The following HUWE1 variants were observed in gnomAD, a reference collection of about 807,000 sequenced individuals.
HUWE1 encodes E3 ubiquitin-protein ligase HUWE1.
HUWE1 carries 18 observed loss-of-function variants against 299.4 expected under a neutral mutation model. The ratio of observed to expected loss-of-function variants is 0.06; its 90% CI spans 0.04 to 0.09. The LOEUF (loss-of-function observed/expected upper bound fraction) is 0.09, where lower values mean the gene tolerates loss of function less well. Among genes scored for constraint, HUWE1 ranks in the 10% least tolerant of loss-of-function variants. The pLI is 1.00. For synonymous variants in HUWE1, 1,317 were observed against 1,286.1 expected, an observed-to-expected ratio of 1.02 and a Z score of -0.51; for missense variants, 1,832 against 3,462.3, an observed-to-expected ratio of 0.53 and a Z score of 11.82.
chrX:53,655,140 A>G (rs2149360543), intron 3 of HUWE1, among the ~76,000 whole-genome samples: 1 of 111,377 alleles, frequency 9.0e-6, no homozygotes, highest in African/African-American at 3.3e-5. Flanking sequence ...AGACACATGC[A>G]CAGAGGTAGA....
intron 60 of HUWE1, chrX:53,556,376 T>C (rs1418535031): frequency 2.9e-6 from 1 of 340,135 alleles, no homozygotes; most frequent in African/African-American, 2.7e-5. Context: ...CCATTTTACA[T>C]GGTGACAGAC....
At chrX:53,535,989 G>A (rs2061041241) in intron 80 of HUWE1, 158 bp downstream of exon 80, 1 of 258,886 alleles carries the variant, frequency 3.9e-6, no homozygotes, top group South Asian at 5.0e-5. Flanking sequence ...TGGTTTTCCT[G>A]TTTGTGATGT....
intron 59 of HUWE1, among the ~76,000 whole-genome samples, chrX:53,558,436 C>T (rs2062133119): frequency 8.9e-6 from 1 of 112,028 alleles, no homozygotes; most frequent in Non-Finnish European, 1.9e-5. Flanking sequence ...CTGCTTCTGG[C>T]TCCAGTTTTT....
At chrX:53,562,805 G>A (rs1556942455) in intron 53 of HUWE1, 26 bp downstream of exon 53, 1 of 1,155,547 alleles carries the variant, frequency 8.7e-7, no homozygotes, top group Admixed American at 2.2e-5. Context: ...CAAGAAGGGA[G>A]GCCTTTCTGG....
At position 53,534,573 on chromosome X, in the gene HUWE1, G is replaced by A. The variant is rs1569392872; in HGVS notation, c.12774C>T (p.Asp4258=). The A allele has an allele frequency of 2.5e-6, 3 of 1,210,491 alleles. No individual in the cohort carries two copies. The highest frequency in any genetic ancestry group is 5.9e-5 in the East Asian group (2 of 33,819). ...ELLISGLPTI[D]IDDLKSNTEY... is the part of the protein sequence containing the mutation. ...CAGTGTTGGATTTCAGATCATCGAT[G>A]TCAATGGTGGGCAGTCCTGATATAA... is the stretch of plus-strand genomic sequence containing the variant. The change falls in exon 82 of 84, where the codon GAC becomes GAT. Residue 4258 remains aspartate, a synonymous_variant. Coordinates refer to ENST00000262854, the MANE Select transcript of HUWE1 (RefSeq NM_031407.7).
chrX:53,667,929 GTCTA>G (rs1352914397), intron 3 of HUWE1, among the ~76,000 whole-genome samples: 1 of 111,501 alleles, frequency 9.0e-6, no homozygotes, highest in Non-Finnish European at 1.9e-5. Flanking sequence ...TTAAGACACT[GTCTA>G]TCTAGCCATG....
At position 53,580,899 on chromosome X, in the gene HUWE1, T is replaced by G; in HGVS notation, c.5648A>C (p.Asp1883Ala). ...GCAGTTGGCCACTTCTGTGAATATGTCTGGATTGCGGCATGCGGCTGGCCC... is the reference window on the plus strand; with the variant it reads ...GCAGTTGGCCACTTCTGTGAATATGGCTGGATTGCGGCATGCGGCTGGCCC... ...VLGPAACRNP[D>A]IFTEVANCCI... Residue 1883 changes from aspartate (D) to alanine (A), a missense_variant, in exon 43 of 84, where the codon GAC (aspartate) becomes GCC (alanine). Asp to Ala is a moderately radical substitution (Grantham distance 126). Coordinates refer to ENST00000262854, the MANE Select transcript of HUWE1 (RefSeq NM_031407.7). 1 of 1,211,618 alleles carries G rather than the reference T, an allele frequency of 8.3e-7. No homozygotes were observed. The highest frequency in any genetic ancestry group is 1.1e-6 in the Non-Finnish European group (1 of 895,421).
chrX:53,674,769 C>A (rs1349903015), intron 3 of HUWE1, among the ~76,000 whole-genome samples: 4 of 111,520 alleles, frequency 3.6e-5, no homozygotes, highest in African/African-American at 6.5e-5. Flanking sequence ...CCTACATTCT[C>A]CAGTCACTTA....
intron 4 of HUWE1, among the ~76,000 whole-genome samples, chrX:53,649,731 T>G (rs782098732): frequency 8.9e-6 from 1 of 112,431 alleles, no homozygotes; most frequent in East Asian, 2.8e-4. Context: ...TTGTGCCTGC[T>G]GGACCTACTT....
intron 19 of HUWE1, among the ~76,000 whole-genome samples, chrX:53,624,319 T>C (rs1361822807): frequency 9.0e-6 from 1 of 111,690 alleles, no homozygotes; most frequent in Non-Finnish European, 1.9e-5. Flanking sequence ...GATTTTACTA[T>C]TCATATTTGT....
At chrX:53,598,967 T>G (rs1420067547) in intron 29 of HUWE1, among the ~76,000 whole-genome samples, 1 of 112,683 alleles carries the variant, frequency 8.9e-6, no homozygotes, top group Non-Finnish European at 1.9e-5. Flanking sequence ...TTCTTTATCC[T>G]AATTAGGGAA....
intron 3 of HUWE1, among the ~76,000 whole-genome samples, chrX:53,661,679 A>C (rs2069010629): frequency 8.9e-6 from 1 of 112,683 alleles, no homozygotes; most frequent in African/African-American, 3.2e-5. Context: ...AGCAATCTCT[A>C]TATATAATAA....
chrX:53,652,767 C>T (rs914279004), intron 4 of HUWE1, among the ~76,000 whole-genome samples: 1 of 112,189 alleles, frequency 8.9e-6, no homozygotes, highest in Non-Finnish European at 1.9e-5. Flanking sequence ...AAGAAGATAA[C>T]TGATATAGAA....
At chrX:53,667,311 T>C (rs1461141456) in intron 3 of HUWE1, among the ~76,000 whole-genome samples, 3 of 112,206 alleles carry the variant, frequency 2.7e-5, no homozygotes, top group Middle Eastern at 4.6e-3. Flanking sequence ...GAAAAATATA[T>C]ACAGTTGCTC....
At chrX:53,583,438 T>C in intron 42 of HUWE1, 120 bp downstream of exon 42, 1 of 562,113 alleles carries the variant, frequency 1.8e-6, no homozygotes, top group Non-Finnish European at 3.1e-6. Context: ...GGGTGGAGTA[T>C]ACAGTATACA....
chrX:53,660,089 A>G (rs1481848833), intron 3 of HUWE1, among the ~76,000 whole-genome samples: 1 of 111,889 alleles, frequency 8.9e-6, no homozygotes, highest in Non-Finnish European at 1.9e-5. Context: ...AATTTACTGG[A>G]GAGTATCTGA....
rs191563324 is a variant in HUWE1, at chrX:53,573,479, T to C, written c.6312+271A>G. On this transcript the variant is annotated intron_variant, in intron 47 of 83. Transcript: ENST00000262854. ...CCACCACGCCTGGCTAATTTCTTTT[T>C]GTATTTTGAGTAGAGATGGGGTTTT... Among the ~76,000 whole-genome samples, 4 of 112,420 alleles carry C rather than the reference T, an allele frequency of 3.6e-5. No individual in the cohort carries two copies. The East Asian group carries it at 1.1e-3, about 31-fold the overall frequency.
intron 47 of HUWE1, among the ~76,000 whole-genome samples, chrX:53,572,483 G>A (rs2062880051): frequency 8.9e-6 from 1 of 112,012 alleles, no homozygotes. Context: ...GGCAACACTA[G>A]TGCCCCTACT....
At chrX:53,599,503 A>G (rs368060371) in intron 29 of HUWE1, among the ~76,000 whole-genome samples, 184 of 111,255 alleles carry the variant, frequency 1.7e-3, no homozygotes, top group African/African-American at 5.2e-3. Context: ...ATTAAAGGGG[A>G]AAAAAAAGGG....
Sources: allele counts gnomAD v4.1 joint callset (sites outside exome capture counted in the v4.1 genomes callset), GRCh38; gene constraint gnomAD v4.1.1; transcripts MANE v1.5; gene names NCBI Gene and HGNC (gene_info 2026-07-23, HGNC 2026-07-21).